Variants in HSD17B12 observed in about 807,000 individuals in gnomAD.
The protein encoded by HSD17B12 is very-long-chain 3-oxoacyl-CoA reductase.
Under a neutral mutation model 39.3 loss-of-function variants are expected in HSD17B12, and 32 were observed. The ratio of observed to expected loss-of-function variants is 0.81; its 90% CI spans 0.61 to 1.09. The LOEUF (loss-of-function observed/expected upper bound fraction) is 1.09, where lower values mean the gene tolerates loss of function less well. Among genes scored for constraint, HSD17B12 ranks in the 50% least tolerant of loss-of-function variants. HSD17B12 has a pLI of 0.00. For missense variants in HSD17B12, 342 were observed against 382.9 expected (o/e 0.89, Z 0.89); for synonymous variants, 150 against 146.7 (o/e 1.02, Z -0.16).
chr11:43,605,561 C>CAA, the HSD17B12 span, among the ~76,000 whole-genome samples: 76 of 74,562 alleles, frequency 1.0e-3, no homozygotes, highest in Middle Eastern at 0.014. Flanking sequence ...AACTCCATCT[C>CAA]AAAAAAAAAA....
the HSD17B12 span, among the ~76,000 whole-genome samples, chr11:43,660,511 C>T: frequency 1.3e-5 from 2 of 152,134 alleles, no homozygotes; most frequent in Admixed American, 1.3e-4. Context: ...ATTAAAGTCA[C>T]ATTGAGACAC....
At chr11:43,798,263 C>A in intron 3 of HSD17B12, 57 bp from the exon 4 acceptor site, 2 of 970,414 alleles carry the variant, frequency 2.1e-6, no homozygotes, top group South Asian at 1.3e-5. Flanking sequence ...CCTTAATCTT[C>A]ACTGCCATGT....
At chr11:43,565,179 C>T in the HSD17B12 span, among the ~76,000 whole-genome samples, 1 of 152,140 alleles carries the variant, frequency 6.6e-6, no homozygotes, top group Non-Finnish European at 1.5e-5. Flanking sequence ...GGATTACAGG[C>T]GTGAGCCACC....
intron 1 of HSD17B12, among the ~76,000 whole-genome samples, chr11:43,701,295 C>T (rs761295961): frequency 2.3e-4 from 35 of 152,056 alleles, no homozygotes; most frequent in Non-Finnish European, 4.6e-4. Context: ...GTTGTCTCTT[C>T]ACTTTGATTG....
chr11:43,582,380 C>T, the HSD17B12 span, among the ~76,000 whole-genome samples: 3 of 152,198 alleles, frequency 2.0e-5, no homozygotes, highest in African/African-American at 7.2e-5. Flanking sequence ...CCCTCCTCCC[C>T]CTCCACTCAT....
intron 1 of HSD17B12, among the ~76,000 whole-genome samples, chr11:43,742,887 G>A (rs994357233): frequency 1.3e-5 from 2 of 152,000 alleles, no homozygotes. Context: ...AGAAGTATGA[G>A]AAAATGGAAA....
chr11:43,673,492 C>CTTT, the HSD17B12 span: 1,365 of 83,752 alleles, frequency 0.016, 29 homozygotes, highest in East Asian at 0.074. Context: ...CTTTTCTTTT[C>CTTT]TTTTTTTTTT....
At chr11:43,588,499 G>T in the HSD17B12 span, among the ~76,000 whole-genome samples, 1 of 151,952 alleles carries the variant, frequency 6.6e-6, no homozygotes, top group East Asian at 1.9e-4. Context: ...TGTAAAATGG[G>T]GATAATGATA....
intron 1 of HSD17B12, among the ~76,000 whole-genome samples, chr11:43,715,140 C>G (rs142566462): frequency 3.9e-5 from 6 of 152,054 alleles, no homozygotes; most frequent in South Asian, 2.1e-4. Context: ...TGATTGCCCT[C>G]GCCAGAACTT....
chr11:43,723,289 T>G (rs995210369), intron 1 of HSD17B12, among the ~76,000 whole-genome samples: 4 of 152,212 alleles, frequency 2.6e-5, no homozygotes, highest in Admixed American at 6.5e-5. Context: ...TAAATTCACT[T>G]TTGCATTTTA....
the HSD17B12 span, among the ~76,000 whole-genome samples, chr11:43,572,154 T>C: frequency 2.0e-5 from 3 of 152,166 alleles, no homozygotes; most frequent in Non-Finnish European, 2.9e-5. Flanking sequence ...AGTGGAAGCA[T>C]GCTTGGATGC....
the HSD17B12 span, among the ~76,000 whole-genome samples, chr11:43,658,501 G>T: frequency 6.6e-6 from 1 of 152,112 alleles, no homozygotes; most frequent in African/African-American, 2.4e-5. Context: ...TTTCTGCTCT[G>T]TTTTTTCCCC....
At chr11:43,655,465 G>A in the HSD17B12 span, among the ~76,000 whole-genome samples, 1 of 152,092 alleles carries the variant, frequency 6.6e-6, no homozygotes, top group Non-Finnish European at 1.5e-5. Flanking sequence ...GGTGAGAGAG[G>A]GCATCCCTGT....
intron 1 of HSD17B12, among the ~76,000 whole-genome samples, chr11:43,715,657 A>T (rs980681037): frequency 6.6e-6 from 1 of 152,050 alleles, no homozygotes; most frequent in Non-Finnish European, 1.5e-5. Flanking sequence ...GTTAGGGAGG[A>T]TTTCCTCTTT....
chr11:43,823,779 A>G (rs560310887), intron 6 of HSD17B12, among the ~76,000 whole-genome samples: 1 of 152,316 alleles, frequency 6.6e-6, no homozygotes, highest in East Asian at 1.9e-4. Context: ...CTGAACTGAA[A>G]AAACTGAACT....
At chr11:43,572,421 G>C in the HSD17B12 span, among the ~76,000 whole-genome samples, 3 of 152,148 alleles carry the variant, frequency 2.0e-5, no homozygotes, top group Non-Finnish European at 4.4e-5. Context: ...CCACATGTTG[G>C]GGGATAGACC....
At chr11:43,727,549 G>A (rs1222572219) in intron 1 of HSD17B12, among the ~76,000 whole-genome samples, 3 of 151,310 alleles carry the variant, frequency 2.0e-5, no homozygotes, top group Non-Finnish European at 4.4e-5. Flanking sequence ...TGAATTCCTG[G>A]TCTCAACTGA....
intron 6 of HSD17B12, among the ~76,000 whole-genome samples, chr11:43,824,343 G>T (rs1951211525): frequency 6.6e-6 from 1 of 152,320 alleles, no homozygotes; most frequent in South Asian, 2.1e-4. Flanking sequence ...GGACTAGAAT[G>T]ACATCGACTA....
chr11:43,589,583 A>C, the HSD17B12 span, among the ~76,000 whole-genome samples: 2 of 152,192 alleles, frequency 1.3e-5, no homozygotes, highest in African/African-American at 2.4e-5. Flanking sequence ...TCCCACATTT[A>C]AACCCACAGT....
Sources: gnomAD v4.1 joint callset for allele counts (sites outside exome capture counted in the v4.1 genomes callset) on GRCh38, gnomAD v4.1.1 for gene constraint, MANE v1.5 for transcripts, NCBI Gene and HGNC (gene_info 2026-07-23, HGNC 2026-07-21) for gene names.